POLG2: variants seen among roughly 807,000 people sequenced by gnomAD.
POLG2 encodes DNA polymerase subunit gamma-2.
Under a neutral mutation model 56.5 loss-of-function variants are expected in POLG2, and 50 were observed. That is an observed-to-expected ratio of 0.88 (90% CI 0.71 to 1.12). POLG2 has a LOEUF of 1.12. POLG2 is among the 50% of genes most tolerant of loss of function. The pLI is 0.00. For missense variants in POLG2, 584 were observed against 583.3 expected (o/e 1.00, Z -0.01); for synonymous variants, 226 against 222.6 (o/e 1.02, Z -0.14).
intron 1 of POLG2, among the ~76,000 whole-genome samples, chr17:64,493,774 C>T (rs978439904): frequency 2.6e-5 from 4 of 152,278 alleles, no homozygotes; most frequent in African/African-American, 9.6e-5. Flanking sequence ...GCGTGAGCCA[C>T]CGCGCCCGAC....
intron 3 of POLG2, chr17:64,491,836 C>A: frequency 2.4e-6 from 1 of 420,174 alleles, no homozygotes; most frequent in Non-Finnish European, 4.4e-6. Flanking sequence ...GGCTGCAACC[C>A]CTCCATAAGC....
chr17:64,482,691 G>A (rs1181494791), intron 6 of POLG2, among the ~76,000 whole-genome samples: 1 of 152,146 alleles, frequency 6.6e-6, no homozygotes, highest in Non-Finnish European at 1.5e-5. Flanking sequence ...TTAGAGTAAG[G>A]GTTAGGTTGA....
At chr17:64,491,063 T>G (rs1458366535) in intron 3 of POLG2, 94 bp from the exon 4 acceptor site, 2 of 996,758 alleles carry the variant, frequency 2.0e-6, no homozygotes, top group East Asian at 5.0e-5. Flanking sequence ...TGTCCGATAC[T>G]TTTTATTCAG....
At chr17:64,485,593 A>G in intron 5 of POLG2, 135 bp downstream of exon 5, 1 of 753,904 alleles carries the variant, frequency 1.3e-6, no homozygotes, top group Non-Finnish European at 2.3e-6. Flanking sequence ...TTCTAAAAAA[A>G]CTGAAAAATA....
chr17:64,489,034 T>C (rs868963174), intron 4 of POLG2, among the ~76,000 whole-genome samples: 2 of 149,312 alleles, frequency 1.3e-5, no homozygotes, highest in Non-Finnish European at 3.0e-5. Flanking sequence ...TTTTCTTTTT[T>C]TTTTTTTTTG....
intron 4 of POLG2, among the ~76,000 whole-genome samples, chr17:64,486,419 GGC>G (rs1299369368): frequency 6.6e-6 from 1 of 151,076 alleles, no homozygotes; most frequent in African/African-American, 2.4e-5. Flanking sequence ...GGAGTGCAAT[GGC>G]ATGATCTCAC....
At chr17:64,489,086 C>T (rs1463406748) in intron 4 of POLG2, among the ~76,000 whole-genome samples, 9 of 147,402 alleles carry the variant, frequency 6.1e-5, no homozygotes, top group South Asian at 4.2e-4. Flanking sequence ...AGTGCAGCAG[C>T]ACAGTCTTGG....
intron 4 of POLG2, chr17:64,487,135 T>C (rs2037970819): frequency 6.6e-6 from 1 of 152,186 alleles, no homozygotes. Context: ...CTTCTGTTAA[T>C]TATTCATGAT....
chr17:64,491,415 C>A (rs2038056164), intron 3 of POLG2: 2 of 699,754 alleles, frequency 2.9e-6, no homozygotes, highest in Non-Finnish European at 4.6e-6. Flanking sequence ...GGTAACAGAG[C>A]AAGACTTCAT....
rs1480464276 is a variant in POLG2 at position 64,481,406 on chromosome 17, C to T, written c.1192-1017G>A. On this transcript the variant is annotated intron_variant, in intron 6 of 7. Coordinates refer to ENST00000539111, the MANE Select transcript of POLG2 (RefSeq NM_007215.4). ...GTCCGCATTCAGGTCTGGGCTGGGTCTCAATCACCCAGACAGAAATGACGA... is the reference window on the plus strand; with the variant it reads ...GTCCGCATTCAGGTCTGGGCTGGGTTTCAATCACCCAGACAGAAATGACGA... 12 of 985,246 alleles carry T rather than the reference C, an allele frequency of 1.2e-5. No individual in the cohort carries two copies. The Admixed American group carries it at 6.1e-4, about 50-fold the overall frequency. 61.0% of individuals were successfully genotyped at this position (985,246 alleles called of 1,614,324 possible).
rs2038091734 is a variant in POLG2, at chr17:64,493,096, ATAG to A, written c.563-78_563-76del. The A allele has an allele frequency of 4.2e-6, 6 of 1,438,396 alleles. No individual in the cohort carries two copies. In the Admixed American group the frequency reaches 8.4e-5, roughly 20 times the overall value. 89.1% of individuals were successfully genotyped at this position (1,438,396 alleles called of 1,614,324 possible). A position where few individuals can be genotyped will look rare whatever the true frequency, so the allele number is the denominator to read the frequency against. Reference sequence around the variant, plus strand: ...ATCATTTTTGTCAATAGACACATTAATAGTAGTAATAACGTTAACACAGCATAA... The same window carrying A: ...ATCATTTTTGTCAATAGACACATTAATAGTAATAACGTTAACACAGCATAA... On this transcript the variant is annotated intron_variant, in intron 1 of 7. Transcript: ENST00000539111.
At chr17:64,487,613 C>CAAAAAA (rs202042916) in intron 4 of POLG2, 8 of 73,652 alleles carry the variant, frequency 1.1e-4, no homozygotes, top group South Asian at 5.4e-4. Context: ...GACACCATCT[C>CAAAAAA]AAAAAAAAAA....
intron 4 of POLG2, 57 bp from the exon 5 acceptor site, chr17:64,485,925 G>A: frequency 6.3e-7 from 1 of 1,576,574 alleles, no homozygotes. Flanking sequence ...TTGTTTGTTT[G>A]TTTTTGAGAC....
chr17:64,487,083 CAAAA>C (rs558975620), intron 4 of POLG2: 1 of 144,438 alleles, frequency 6.9e-6, no homozygotes, highest in African/African-American at 2.5e-5. Flanking sequence ...AGTCACAGAA[CAAAA>C]AAAAAAGAGA....
intron 4 of POLG2, 78 bp downstream of exon 4, chr17:64,490,718 A>G (rs2038043230): frequency 1.8e-6 from 2 of 1,135,330 alleles, no homozygotes; most frequent in Non-Finnish European, 2.7e-6. Context: ...CCACGTTTGC[A>G]CCTTATTCTC....
In POLG2 at chr17:64,490,972, G is replaced by A; in HGVS notation, c.796-3C>T. ...AAGTTAGATGGACTCATGGCAAACT[G>A]GAAAAGAAAATTTAAGTTTGTCTTA... On this transcript the variant is annotated splice_region_variant and splice_polypyrimidine_tract_variant and intron_variant, in intron 3 of 7. Coordinates refer to ENST00000539111, the MANE Select transcript of POLG2 (RefSeq NM_007215.4). 6.2e-7 allele frequency: 1 copy of A among 1,610,458 alleles called. No individual in the cohort carries two copies. The highest frequency in any genetic ancestry group is 1.1e-5 in the South Asian group (1 of 90,996).
chr17:64,485,407 A>G (rs1300880082), intron 5 of POLG2: 1 of 346,768 alleles, frequency 2.9e-6, no homozygotes. Context: ...TCTTCCTCCT[A>G]TGTACCAATG....
intron 3 of POLG2, among the ~76,000 whole-genome samples, chr17:64,491,232 C>T (rs1199680206): frequency 2.0e-5 from 3 of 152,146 alleles, no homozygotes; most frequent in African/African-American, 7.2e-5. Flanking sequence ...CTGCTGGCCT[C>T]AAGCAATCCT....
intron 1 of POLG2, among the ~76,000 whole-genome samples, chr17:64,495,133 G>C (rs2038128248): frequency 7.1e-6 from 1 of 141,514 alleles, no homozygotes; most frequent in Non-Finnish European, 1.5e-5. Flanking sequence ...AGCCGAGATT[G>C]TGCCACTGCA....
Sources: allele counts gnomAD v4.1 joint callset (sites outside exome capture counted in the v4.1 genomes callset), GRCh38; gene constraint gnomAD v4.1.1; transcripts MANE v1.5; gene names NCBI Gene and HGNC (gene_info 2026-07-23, HGNC 2026-07-21).